The following ITPKB variants were observed in gnomAD, a reference collection of about 807,000 sequenced individuals.
ITPKB encodes inositol-trisphosphate 3-kinase B.
A neutral mutation model predicts 69.4 loss-of-function variants in ITPKB; 13 were observed. The observed-to-expected ratio is 0.19, with a 90% confidence interval of 0.12 to 0.30. ITPKB has a LOEUF of 0.30. Ranked by LOEUF, ITPKB falls within the 10% of genes least tolerant of loss-of-function variation. The probability of loss-of-function intolerance (pLI) is 1.00; values close to 1 mark genes in which losing one functional copy is unlikely to be tolerated. For missense variants in ITPKB, 1,240 were observed against 1,250.5 expected (o/e 0.99, Z 0.13); for synonymous variants, 584 against 513.7 (o/e 1.14, Z -1.85).
intron 2 of ITPKB, among the ~76,000 whole-genome samples, chr1:226,714,394 T>C (rs1215206953): frequency 2.0e-5 from 3 of 152,202 alleles, no homozygotes; most frequent in Non-Finnish European, 4.4e-5. Flanking sequence ...TCTGGGGCTG[T>C]TTGTTACTGC....
rs927533717 is a variant in ITPKB at position 226,642,281 on chromosome 1, C to T, written c.2247-156G>A. Among the ~76,000 whole-genome samples, 3 of 152,086 alleles carry T rather than the reference C, an allele frequency of 2.0e-5. No homozygotes were observed. Among genetic ancestry groups the T allele is most frequent in the Non-Finnish European group, 4.4e-5 (3 of 68,002 alleles). On this transcript the variant is annotated intron_variant, in intron 4 of 7. Coordinates refer to ENST00000429204, the MANE Select transcript of ITPKB (RefSeq NM_002221.4). This position sits in a 1 kb window ranked among gnomAD's most constrained non-coding sequence, Gnocchi z 6.4. The stretch of plus-strand genomic sequence containing the variant: ...GTCAAGGCACGTCTTTCCGAGGGGA[C>T]GGCAGACTCTGTTCCAGCTGGGGCT...
intron 2 of ITPKB, chr1:226,707,460 G>A: frequency 1.1e-6 from 1 of 888,696 alleles, no homozygotes; most frequent in African/African-American, 1.8e-5. Context: ...GCCTCCTAAA[G>A]TGCTGGGATT....
At position 226,738,325 on chromosome 1, in the gene ITPKB, A is replaced by G. The variant is rs934875940; in HGVS notation, c.-205-662T>C. 6.6e-6 allele frequency among the ~76,000 whole-genome samples: 1 copy of G among 151,858 alleles called. No individual in the cohort carries two copies. Among genetic ancestry groups the G allele is most frequent in the African/African-American group, 2.4e-5 (1 of 41,328 alleles). On this transcript the variant is annotated intron_variant, in intron 1 of 7. Coordinates refer to ENST00000429204, the MANE Select transcript of ITPKB (RefSeq NM_002221.4). This position sits in a 1 kb window ranked among gnomAD's most constrained non-coding sequence, Gnocchi z 4.2. The stretch of plus-strand genomic sequence containing the variant: ...CGGGCAGCGGGGCCGCAGCCGAAGC[A>G]TTTTTCAGGGCTAGCCTTGTCGCCT...
Position 226,637,577 on chromosome 1 carries a change from C to T in ITPKB, c.2625+102G>A, listed in dbSNP as rs1233696775. 12 of 906,490 alleles carry T rather than the reference C, an allele frequency of 1.3e-5. No individual in the cohort carries two copies. The Admixed American group carries it at 2.0e-4, about 15-fold the overall frequency. 56.2% of individuals were successfully genotyped at this position (906,490 alleles called of 1,614,324 possible). ...CCTGATGGCCTGCCTCTGGCTGCAC[C>T]ACCCTGAAAATGCCCGATGCCCCGG... On this transcript the variant is annotated intron_variant, in intron 7 of 7. Coordinates refer to ENST00000429204, the MANE Select transcript of ITPKB (RefSeq NM_002221.4). This position sits in a 1 kb window ranked among gnomAD's most constrained non-coding sequence, Gnocchi z 4.3.
chr1:226,645,772 C>A (rs1330952456), intron 4 of ITPKB, among the ~76,000 whole-genome samples: 1 of 152,162 alleles, frequency 6.6e-6, no homozygotes, highest in Non-Finnish European at 1.5e-5. Context: ...CTCCTCCCTG[C>A]CCTATCCCAG....
intron 2 of ITPKB, among the ~76,000 whole-genome samples, chr1:226,713,291 A>C (rs902104632): frequency 6.6e-6 from 1 of 151,902 alleles, no homozygotes; most frequent in African/African-American, 2.4e-5. Context: ...CCACTCCCAC[A>C]TTTACCCTGG....
Position 226,733,571 on chromosome 1 carries a change from T to TAC in ITPKB, c.1932+1954_1932+1955dup, listed in dbSNP as rs139894733. On this transcript the variant is annotated intron_variant, in intron 2 of 7. Coordinates refer to ENST00000429204, the MANE Select transcript of ITPKB (RefSeq NM_002221.4). ...AGTTGGTTACCCACCCTTACCCCCC[T>TAC]ACACACACACACACACACCCACCCC... Among the ~76,000 whole-genome samples, 146 of 149,448 alleles carry TAC rather than the reference T, an allele frequency of 9.8e-4. 1 individual carries two copies. The highest frequency in any genetic ancestry group is 1.8e-3 in the East Asian group (9 of 5,138).
chr1:226,666,891 C>T (rs1669513887), intron 2 of ITPKB, among the ~76,000 whole-genome samples: 1 of 152,184 alleles, frequency 6.6e-6, no homozygotes, highest in Non-Finnish European at 1.5e-5. Flanking sequence ...CAAGGGCTCT[C>T]GCCTCTCCCC....
At chr1:226,688,560 C>T (rs1023717714) in intron 2 of ITPKB, among the ~76,000 whole-genome samples, 1 of 152,262 alleles carries the variant, frequency 6.6e-6, no homozygotes, top group African/African-American at 2.4e-5. Context: ...CTCGGGGCCA[C>T]TGCCCAAAAT....
At chr1:226,718,554 T>C (rs977834495) in intron 2 of ITPKB, among the ~76,000 whole-genome samples, 2 of 152,046 alleles carry the variant, frequency 1.3e-5, no homozygotes, top group African/African-American at 4.8e-5. Flanking sequence ...TGAGCCATGA[T>C]TGCCCCCTGC....
chr1:226,736,861 G>C lies in ITPKB; in HGVS notation c.598C>G (p.Arg200Gly). 1 of 1,611,692 alleles carries C rather than the reference G, an allele frequency of 6.2e-7. No individual in the cohort carries two copies. The highest frequency in any genetic ancestry group is 8.5e-7 in the Non-Finnish European group (1 of 1,180,014). ...TGCTCCCCCCAGGACTTTGTCCTCC[G>C]TTCCTCGCTCCGGGCGCCCTGAACC... Reference protein sequence around the residue: ...VLVQGARSEERRTKSWGEQCP... With the variant: ...VLVQGARSEEGRTKSWGEQCP... The change falls in exon 2 of 8, where the codon CGG (arginine) becomes GGG (glycine). Residue 200 changes from arginine to glycine, a missense_variant. Physicochemically the swap from Arg to Gly is moderately radical, Grantham distance 125 (BLOSUM62 -2). Around this residue, in one of 2 missense-constraint regions of ITPKB, gnomAD observed 992 missense variants for 853.8 expected, o/e 1.16. Coordinates refer to ENST00000429204, the MANE Select transcript of ITPKB (RefSeq NM_002221.4).
At chr1:226,669,985 T>C (rs1669582070) in intron 2 of ITPKB, among the ~76,000 whole-genome samples, 1 of 151,616 alleles carries the variant, frequency 6.6e-6, no homozygotes, top group South Asian at 2.1e-4. Flanking sequence ...GCAATTCTCC[T>C]GCCTCAACCT....
At chr1:226,737,792 A>C in intron 1 of ITPKB, 129 bp from the exon 2 acceptor site, 1 of 175,088 alleles carries the variant, frequency 5.7e-6, no homozygotes, top group Non-Finnish European at 1.2e-5. Context: ...CGGACATCTC[A>C]CCTATGGGGA....
chr1:226,724,992 C>T (rs1657364125), intron 2 of ITPKB, among the ~76,000 whole-genome samples: 1 of 152,226 alleles, frequency 6.6e-6, no homozygotes, highest in South Asian at 2.1e-4. Context: ...TTCCTCAAGA[C>T]CTTTACCCCA....
At chr1:226,707,849 T>C (rs1656840200) in intron 2 of ITPKB, 1 of 1,265,310 alleles carries the variant, frequency 7.9e-7, no homozygotes, top group Non-Finnish European at 1.0e-6. Context: ...AAATATGCTA[T>C]ACATCATTCT....
At chr1:226,693,133 A>G (rs772989304) in intron 2 of ITPKB, among the ~76,000 whole-genome samples, 59 of 152,244 alleles carry the variant, frequency 3.9e-4, no homozygotes, top group Non-Finnish European at 7.1e-4. Context: ...ACATTACAAG[A>G]GCCACTTCTG....
rs1160711195 is a variant in ITPKB, at chr1:226,647,394, G to A, written c.2033-14C>T. 9 of 1,602,242 alleles carry A rather than the reference G, an allele frequency of 5.6e-6. No individual in the cohort carries two copies. Among genetic ancestry groups the A allele is most frequent in the Non-Finnish European group, 5.1e-6 (6 of 1,171,332 alleles). On this transcript the variant is annotated splice_polypyrimidine_tract_variant and intron_variant, in intron 3 of 7. Coordinates refer to ENST00000429204, the MANE Select transcript of ITPKB (RefSeq NM_002221.4). ...CCTTGAAACTCCCTGGAGAGCAAGT[G>A]TAGAAGGTTCCTGGTCTCCGGCTGC...
chr1:226,700,666 A>G (rs1457949973), intron 2 of ITPKB, among the ~76,000 whole-genome samples: 1 of 152,090 alleles, frequency 6.6e-6, no homozygotes, highest in African/African-American at 2.4e-5. Context: ...GCCTAGAATG[A>G]TATTAGTGAT....
At chr1:226,660,642 C>T (rs557340342) in intron 2 of ITPKB, among the ~76,000 whole-genome samples, 17 of 151,684 alleles carry the variant, frequency 1.1e-4, no homozygotes, top group Admixed American at 3.9e-4. Flanking sequence ...ACAGAGGCCT[C>T]GCAGAGCTCA....
Sources: allele counts gnomAD v4.1 joint callset (sites outside exome capture counted in the v4.1 genomes callset), GRCh38; gene constraint gnomAD v4.1.1; regional missense constraint gnomAD v4.1.1; non-coding constraint Gnocchi (gnomAD v3.1); transcripts MANE v1.5; gene names NCBI Gene and HGNC (gene_info 2026-07-23, HGNC 2026-07-21).